Variants in APC observed in about 807,000 individuals in gnomAD.
APC encodes the protein adenomatous polyposis coli protein.
In APC, 72 loss-of-function variants were observed where a neutral mutation model predicts 247.0. The observed-to-expected ratio is 0.29, with a 90% confidence interval of 0.24 to 0.35. The LOEUF (loss-of-function observed/expected upper bound fraction) is 0.35, where lower values mean the gene tolerates loss of function less well. Ranked by LOEUF, APC falls within the 10% of genes least tolerant of loss-of-function variation. The probability of loss-of-function intolerance (pLI) is 1.00; values close to 1 mark genes in which losing one functional copy is unlikely to be tolerated. For missense variants in APC, 3,400 were observed against 3,360.7 expected (o/e 1.01, Z -0.29); for synonymous variants, 1,254 against 1,162.5 (o/e 1.08, Z -1.60).
intron 5 of APC, chr5:112,777,706 G>T: frequency 4.4e-6 from 1 of 225,260 alleles, no homozygotes; most frequent in South Asian, 8.5e-5. Context: ...ATTACATTTT[G>T]AGGACCCTTC....
At chr5:112,734,582 AGGTCTTC>A (rs1752271053), upstream of APC, among the ~76,000 whole-genome samples, 1 of 152,212 alleles carries the variant, frequency 6.6e-6, no homozygotes, top group Non-Finnish European at 1.5e-5. Flanking sequence ...TCTATGTCTA[AGGTCTTC>A]GGTAAAGAGA....
intron 8 of APC, among the ~76,000 whole-genome samples, chr5:112,814,414 G>A (rs932899633): frequency 2.0e-5 from 3 of 152,102 alleles, no homozygotes; most frequent in Non-Finnish European, 2.9e-5. Flanking sequence ...TATCCATTAC[G>A]AGCATCATTA....
At chr5:112,737,763 C>G, upstream of APC, 1 of 851,090 alleles carries the variant, frequency 1.2e-6, no homozygotes, top group Non-Finnish European at 1.4e-6. Context: ...AGAGAAGCAG[C>G]TGTGTAATCC....
chr5:112,842,562 C>T lies in APC; in HGVS notation c.6968C>T (p.Ser2323Phe), dbSNP rs746401478. ...AQQPLSRPIQSPGRNSISPGR... is the reference protein window; with the variant it reads ...AQQPLSRPIQFPGRNSISPGR... Reference sequence around the variant, plus strand: ...CAACCATTAAGTAGACCTATACAGTCTCCTGGCCGAAACTCAATTTCCCCT... The same window carrying T: ...CAACCATTAAGTAGACCTATACAGTTTCCTGGCCGAAACTCAATTTCCCCT... Residue 2323 changes from serine to phenylalanine, a missense_variant, in exon 16 of 16, where the codon TCT (serine) becomes TTT (phenylalanine). This residue lies in a region of APC where 1,788 missense variants were observed against 1,649.5 expected (regional missense o/e 1.08). Coordinates refer to ENST00000257430, the MANE Select transcript of APC (RefSeq NM_000038.6). 2 of 1,613,800 alleles carry T rather than the reference C, an allele frequency of 1.2e-6. No homozygotes were observed. Among genetic ancestry groups the T allele is most frequent in the South Asian group, 1.1e-5 (1 of 91,078 alleles).
At chr5:112,798,267 C>G (rs1760419783) in intron 7 of APC, among the ~76,000 whole-genome samples, 1 of 152,170 alleles carries the variant, frequency 6.6e-6, no homozygotes, top group South Asian at 2.1e-4. Flanking sequence ...GTTACTGATG[C>G]AGAATTTATA....
chr5:112,841,515 A>G lies in APC; in HGVS notation c.5921A>G (p.Asp1974Gly), dbSNP rs1286707992. The change falls in exon 16 of 16, where the codon GAC becomes GGC. Residue 1974 changes from aspartate (D) to glycine (G), a missense_variant. By Grantham distance (94) the Asp-to-Gly change is moderately conservative (BLOSUM62 -1). Transcript: ENST00000257430. The surrounding 1 kb of genome is among the most constrained non-coding windows in gnomAD (Gnocchi z 4.6). Reference protein sequence around the residue: ...SHNSSLSSLSDIDQENNNKEN... With the variant: ...SHNSSLSSLSGIDQENNNKEN... ...AATTCCTCTCTGAGTTCTCTCAGTG[A>G]CATTGACCAAGAAAACAACAATAAA... The G allele has an allele frequency of 1.2e-6, 2 of 1,613,928 alleles. No individual in the cohort carries two copies. Among genetic ancestry groups the G allele is most frequent in the Non-Finnish European group, 8.5e-7 (1 of 1,179,830 alleles).
At chr5:112,772,107 T>C (rs1195610187) in intron 4 of APC, among the ~76,000 whole-genome samples, 5 of 152,220 alleles carry the variant, frequency 3.3e-5, no homozygotes, top group Non-Finnish European at 1.5e-5. Flanking sequence ...TATTGAATGC[T>C]AATACAAATG....
chr5:112,749,777 G>A (rs766798735), intron 1 of APC, among the ~76,000 whole-genome samples: 6 of 150,932 alleles, frequency 4.0e-5, no homozygotes, highest in South Asian at 2.1e-4. Context: ...GAGCCACCAC[G>A]CCTGGTCCAA....
intron 5 of APC, 134 bp downstream of exon 5, chr5:112,775,871 T>G (rs1361666020): frequency 2.0e-5 from 11 of 556,430 alleles, no homozygotes; most frequent in Non-Finnish European, 3.2e-5. Flanking sequence ...TACCCAACTT[T>G]AGGCCTGAAT....
chr5:112,840,959 G>C lies in APC; in HGVS notation c.5365G>C (p.Val1789Leu), dbSNP rs1554086666. ...IPQNTEYRTR[V>L]RKNADSKNNL... ...ACAAAATACTGAATATAGGACACGT[G>C]TAAGAAAAAATGCAGACTCAAAAAA... Residue 1789 changes from valine to leucine, a missense_variant, in exon 16 of 16, where the codon GTA (valine) becomes CTA (leucine). Val to Leu is a conservative substitution (Grantham distance 32). Around this residue, in one of 9 missense-constraint regions of APC, gnomAD observed 1,788 missense variants for 1,649.5 expected, o/e 1.08. Coordinates refer to ENST00000257430, the MANE Select transcript of APC (RefSeq NM_000038.6). This position sits in a 1 kb window ranked among gnomAD's most constrained non-coding sequence, Gnocchi z 4.1. The C allele has an allele frequency of 3.1e-6, 5 of 1,613,040 alleles. No homozygotes were observed. The highest frequency in any genetic ancestry group is 4.2e-6 in the Non-Finnish European group (5 of 1,179,574).
intron 11 of APC, among the ~76,000 whole-genome samples, chr5:112,825,668 A>C (rs1343996726): frequency 6.6e-6 from 1 of 152,226 alleles, no homozygotes; most frequent in Non-Finnish European, 1.5e-5. Flanking sequence ...CTCGGGCAAC[A>C]TAGTGGCACC....
At chr5:112,768,201 G>A (rs748161832) in intron 4 of APC, among the ~76,000 whole-genome samples, 1 of 151,606 alleles carries the variant, frequency 6.6e-6, no homozygotes, top group Non-Finnish European at 1.5e-5. Context: ...GTGCCACCAC[G>A]CCTGGCTAAT....
chr5:112,753,908 T>G (rs1754660397), intron 1 of APC, among the ~76,000 whole-genome samples: 1 of 152,222 alleles, frequency 6.6e-6, no homozygotes. Flanking sequence ...ATTTTATTTG[T>G]TCCAAAATGA....
At chr5:112,750,046 T>G (rs997163241) in intron 1 of APC, among the ~76,000 whole-genome samples, 2 of 148,240 alleles carry the variant, frequency 1.3e-5, no homozygotes, top group African/African-American at 5.0e-5. Flanking sequence ...CACTGCATCC[T>G]CCACCTCCCA....
At chr5:112,826,691 A>T (rs1331246155) in intron 11 of APC, among the ~76,000 whole-genome samples, 1 of 148,760 alleles carries the variant, frequency 6.7e-6, no homozygotes, top group Non-Finnish European at 1.5e-5. Flanking sequence ...AAAAAATTAA[A>T]GTAGTTAGGC....
At chr5:112,732,157 A>G (rs1043612266) in intron 1 of APC, among the ~76,000 whole-genome samples, 1 of 152,220 alleles carries the variant, frequency 6.6e-6, no homozygotes, top group African/African-American at 2.4e-5. Context: ...TTTGACAGGA[A>G]GAAGTAAGTT....
chr5:112,829,048 A>G lies in APC; in HGVS notation c.1743+76A>G, dbSNP rs1764038922. ...TTTTTGCTGCCTTCTTTTAGCCATG[A>G]GATTTCCTAATTTCTTACCTGTGTA... On this transcript the variant is annotated intron_variant, in intron 14 of 15. Coordinates refer to ENST00000257430, the MANE Select transcript of APC (RefSeq NM_000038.6). 6.0e-6 allele frequency: 6 copies of G among 1,005,906 alleles called. No homozygotes were observed. In the South Asian group the frequency reaches 7.7e-5, roughly 13 times the overall value. 62.3% of individuals were successfully genotyped at this position (1,005,906 alleles called of 1,614,324 possible).
At chr5:112,791,538 C>T (rs1480997563) in intron 6 of APC, among the ~76,000 whole-genome samples, 1 of 152,080 alleles carries the variant, frequency 6.6e-6, no homozygotes, top group Non-Finnish European at 1.5e-5. Flanking sequence ...GTTGCGGGCT[C>T]CTTATGAGAA....
At position 112,789,831 on chromosome 5, in the gene APC, A is replaced by G. The variant is rs74364647; in HGVS notation, c.646-2615A>G. 2.0e-3 allele frequency among the ~76,000 whole-genome samples: 300 copies of G among 152,084 alleles called. 4 individuals are homozygous for G. Among genetic ancestry groups the G allele is most frequent in the African/African-American group, 6.9e-3 (285 of 41,518 alleles). ...ATGGTTTTCATACTGTGAATTGGAC[A>G]TGGTAAGATTTGTTACTTAAAGAAT... On this transcript the variant is annotated intron_variant, in intron 6 of 15. Coordinates refer to ENST00000257430, the MANE Select transcript of APC (RefSeq NM_000038.6).
Sources: gnomAD v4.1 joint callset for allele counts (sites outside exome capture counted in the v4.1 genomes callset) on GRCh38, gnomAD v4.1.1 for gene constraint, gnomAD v4.1.1 regional missense constraint, Gnocchi (gnomAD v3.1) non-coding constraint, MANE v1.5 for transcripts, NCBI Gene and HGNC (gene_info 2026-07-23, HGNC 2026-07-21) for gene names.